The following QRICH1 variants were observed in gnomAD, a reference collection of about 807,000 sequenced individuals.
QRICH1 encodes glutamine rich 1.
In QRICH1, 16 loss-of-function variants were observed where a neutral mutation model predicts 87.1. That is an observed-to-expected ratio of 0.18 (90% CI 0.12 to 0.28). The LOEUF is 0.28. Ranked by LOEUF, QRICH1 falls within the 10% of genes least tolerant of loss-of-function variation. The pLI, the probability that QRICH1 is intolerant of heterozygous loss-of-function variation, is 1.00. For synonymous variants in QRICH1, 367 were observed against 368.4 expected (o/e 1.00, Z 0.05); for missense variants, 647 against 951.7 (o/e 0.68, Z 4.21).
At chr3:49,072,626 A>G (rs1475622626) in intron 2 of QRICH1, among the ~76,000 whole-genome samples, 1 of 152,164 alleles carries the variant, frequency 6.6e-6, no homozygotes, top group Non-Finnish European at 1.5e-5. Context: ...AACAAACTGG[A>G]GGTAAAGATT....
At chr3:49,044,712 G>A (rs1367082594) in intron 5 of QRICH1, among the ~76,000 whole-genome samples, 1 of 152,094 alleles carries the variant, frequency 6.6e-6, no homozygotes, top group Admixed American at 6.6e-5. Flanking sequence ...GGTAAATAAG[G>A]CAGATGTTGT....
At chr3:49,042,408 C>T (rs983125007) in intron 6 of QRICH1, among the ~76,000 whole-genome samples, 4 of 151,994 alleles carry the variant, frequency 2.6e-5, no homozygotes, top group African/African-American at 9.7e-5. Context: ...CAAAGACACA[C>T]AGGAATCTTA....
At chr3:49,055,048 T>G (rs2093392924) in intron 3 of QRICH1, among the ~76,000 whole-genome samples, 1 of 152,204 alleles carries the variant, frequency 6.6e-6, no homozygotes, top group African/African-American at 2.4e-5. Context: ...AAAGAAATCC[T>G]GAGTTCTTAC....
At chr3:49,036,527 T>C (rs546204594) in intron 6 of QRICH1, among the ~76,000 whole-genome samples, 7 of 152,338 alleles carry the variant, frequency 4.6e-5, no homozygotes, top group African/African-American at 1.7e-4. Context: ...GGGACATTTG[T>C]GCATCAGTAA....
intron 1 of QRICH1, among the ~76,000 whole-genome samples, chr3:49,079,059 C>T (rs557903920): frequency 6.6e-6 from 1 of 151,790 alleles, no homozygotes; most frequent in Admixed American, 6.6e-5. Flanking sequence ...ATGGAGAAAC[C>T]CCATCTCTAC....
At chr3:49,064,791 AG>A (rs2093457540) in intron 2 of QRICH1, among the ~76,000 whole-genome samples, 1 of 152,098 alleles carries the variant, frequency 6.6e-6, no homozygotes, top group Admixed American at 6.6e-5. Context: ...CAAGGCAGGC[AG>A]GGTCACATAA....
chr3:49,039,784 G>A (rs2093299401), intron 6 of QRICH1, among the ~76,000 whole-genome samples: 1 of 152,018 alleles, frequency 6.6e-6, no homozygotes. Context: ...AACAGGCCAG[G>A]CTCGGTGGCT....
chr3:49,077,102 AC>A, intron 1 of QRICH1, 64 bp from the exon 2 acceptor site: 2 of 1,149,044 alleles, frequency 1.7e-6, no homozygotes, highest in Non-Finnish European at 2.3e-6. Context: ...AGAAGCAATT[AC>A]CCTTGCACAA....
At chr3:49,032,422 AG>A in intron 8 of QRICH1, 149 bp from the exon 9 acceptor site, 1 of 844,320 alleles carries the variant, frequency 1.2e-6, no homozygotes, top group Non-Finnish European at 1.9e-6. Flanking sequence ...GTGACTACTA[AG>A]GGAAGAGGCA....
chr3:49,052,270 G>A (rs925568334), intron 3 of QRICH1, among the ~76,000 whole-genome samples: 4 of 152,096 alleles, frequency 2.6e-5, no homozygotes, highest in Admixed American at 6.6e-5. Context: ...ACAACTAGGC[G>A]GAGAGCAGCA....
rs770654886 is a variant in QRICH1, at chr3:49,057,681, G to A, written c.519C>T (p.His173=). 8.1e-6 allele frequency: 13 copies of A among 1,614,074 alleles called. No individual in the cohort carries two copies. The highest frequency in any genetic ancestry group is 8.0e-5 in the African/African-American group (6 of 74,942). Residue 173 remains histidine (H), a synonymous_variant, in exon 3 of 10, where the codon CAC becomes CAT. Transcript: ENST00000395443. The surrounding 1 kb of genome is among the most constrained non-coding windows in gnomAD (Gnocchi z 5.4). ...CCTGGATCTGCTGGGCTGCTTGCAC[G>A]TGCTGCACCTGGATCTGAGCTGCTT... The part of the protein sequence containing the change: ...QLQAAQIQVQ[H]VQAAQQIQAA...
chr3:49,030,364 G>GAA lies in QRICH1; in HGVS notation c.*86_*87dup. On this transcript the variant is annotated 3_prime_UTR_variant, in exon 10 of 10. Transcript: ENST00000395443. ...TTCGTAACTACACCAATAAAAAAAA[G>GAA]AAAAAAAAAAATGGAGGCCTCTTCT... 1.9e-4 allele frequency: 203 copies of GAA among 1,078,962 alleles called. No individual in the cohort carries two copies. Among genetic ancestry groups the GAA allele is most frequent in the Non-Finnish European group, 2.0e-4 (159 of 784,118 alleles). The allele number at this position is 1,078,962 out of a possible 1,614,324, so 66.8% of individuals were successfully genotyped here.
At chr3:49,037,299 G>A (rs1317226382) in intron 6 of QRICH1, among the ~76,000 whole-genome samples, 1 of 152,116 alleles carries the variant, frequency 6.6e-6, no homozygotes, top group Non-Finnish European at 1.5e-5. Context: ...ATCAATTGTA[G>A]ATACATGGGG....
chr3:49,067,709 G>A (rs1053138269), intron 2 of QRICH1, among the ~76,000 whole-genome samples: 3 of 151,996 alleles, frequency 2.0e-5, no homozygotes, highest in South Asian at 2.1e-4. Context: ...GGCCAGGCGC[G>A]GTGGCTCAGG....
Position 49,048,490 on chromosome 3 carries a change from A to AC in QRICH1, c.1339-1245_1339-1244insG, listed in dbSNP as rs1325302627. On this transcript the variant is annotated intron_variant, in intron 3 of 9. Transcript: ENST00000395443. Reference sequence around the variant, plus strand: ...TCTGGATTGCTTTAAAAAAAAAAAAAAAAAAAAACCCACCCTGGCCGGGTG... The same window carrying AC: ...TCTGGATTGCTTTAAAAAAAAAAAAACAAAAAAAACCCACCCTGGCCGGGTG... 1.3e-3 allele frequency among the ~76,000 whole-genome samples: 187 copies of AC among 147,256 alleles called. No homozygotes were observed. In the Middle Eastern group the frequency reaches 0.021, roughly 16 times the overall value.
At position 49,051,126 on chromosome 3, in the gene QRICH1, A is replaced by G. The variant is rs574840804; in HGVS notation, c.1339-3880T>C. ...TCCAGATGCTGCATTCAGAGCTCCA[A>G]TCACTATTCTGTCTACCCCAGAAAT... On this transcript the variant is annotated intron_variant, in intron 3 of 9. Transcript: ENST00000395443. 2.6e-5 allele frequency among the ~76,000 whole-genome samples: 4 copies of G among 152,058 alleles called. No individual in the cohort carries two copies. In the South Asian group the frequency reaches 6.3e-4, roughly 24 times the overall value.
At chr3:49,033,291 T>C in intron 6 of QRICH1, 63 bp from the exon 7 acceptor site, 2 of 1,037,738 alleles carry the variant, frequency 1.9e-6, no homozygotes, top group Non-Finnish European at 2.7e-6. Context: ...AGGTACAATA[T>C]GGGATGTGTG....
At position 49,093,989 on chromosome 3, in the gene QRICH1, C is replaced by A; in HGVS notation, c.-99G>T. On this transcript the variant is annotated 5_prime_UTR_variant, in exon 1 of 10. Transcript: ENST00000395443. ...CGCCGCACCGCCAGGGACCCTGGTT[C>A]TGCCGTCGTCGCTCCAAGACCGACA... is the stretch of plus-strand genomic sequence containing the variant. 2.5e-6 allele frequency: 1 copy of A among 401,040 alleles called. No homozygotes were observed. Among genetic ancestry groups the A allele is most frequent in the Non-Finnish European group, 4.4e-6 (1 of 228,084 alleles). The allele number at this position is 401,040 out of a possible 1,614,324, so 24.8% of individuals were successfully genotyped here. A position where few individuals can be genotyped will look rare whatever the true frequency, so the allele number is the denominator to read the frequency against.
At chr3:49,034,874 C>A (rs971091814) in intron 6 of QRICH1, among the ~76,000 whole-genome samples, 4 of 152,192 alleles carry the variant, frequency 2.6e-5, no homozygotes, top group African/African-American at 9.7e-5. Context: ...TATTCTCCTG[C>A]AGGGTTTCGG....
Sources: allele counts gnomAD v4.1 joint callset (sites outside exome capture counted in the v4.1 genomes callset), GRCh38; gene constraint gnomAD v4.1.1; non-coding constraint Gnocchi (gnomAD v3.1); transcripts MANE v1.5; gene names NCBI Gene and HGNC (gene_info 2026-07-23, HGNC 2026-07-21).